Variants in MLST8 observed in about 807,000 individuals in gnomAD.
MLST8 encodes target of rapamycin complex subunit LST8.
In MLST8, 20 loss-of-function variants were observed where a neutral mutation model predicts 41.3. The ratio of observed to expected loss-of-function variants is 0.48; its 90% confidence interval spans 0.34 to 0.70. MLST8 has a LOEUF of 0.70. MLST8 is among the 30% of genes least tolerant of loss of function. The pLI, the probability that MLST8 is intolerant of heterozygous loss-of-function variation, is 0.01. For synonymous variants in MLST8, 243 were observed against 183.0 expected, an observed-to-expected ratio of 1.33 and a Z score of -2.65; for missense variants, 422 against 454.3, an observed-to-expected ratio of 0.93 and a Z score of 0.65.
rs142825627 is a variant in MLST8, at chr16:2,209,421, C to G, written c.*544C>G. 2.4e-5 allele frequency: 39 copies of G among 1,613,816 alleles called. 1 individual carries two copies. Among genetic ancestry groups the G allele is most frequent in the Middle Eastern group, 1.6e-4 (1 of 6,062 alleles). On this transcript the variant is annotated 3_prime_UTR_variant, in exon 9 of 9. Transcript: ENST00000569417. ...CAGATGTTGCTCGGGAAGCAGATGT[C>G]GATGCAGAGATAAATCAGCCGCTGT...
In MLST8 at chr16:2,209,235, G is replaced by A. The variant is rs570117781; in HGVS notation, c.*358G>A. 6 of 917,680 alleles carry A rather than the reference G, an allele frequency of 6.5e-6. No individual in the cohort carries two copies. Among genetic ancestry groups the A allele is most frequent in the Admixed American group, 5.0e-5 (2 of 40,310 alleles). 56.8% of individuals were successfully genotyped at this position (917,680 alleles called of 1,614,324 possible). On this transcript the variant is annotated 3_prime_UTR_variant, in exon 9 of 9. Coordinates refer to ENST00000569417, the MANE Select transcript of MLST8 (RefSeq NM_022372.6). ...CCGCGTTTCAGGGCCTCGGTCCATA[G>A]AGAACACCACCACCATGGCCAGGTG...
In MLST8 at chr16:2,206,080, C is replaced by T. The variant is rs1480694171; in HGVS notation, c.-6C>T. 1.3e-6 allele frequency: 2 copies of T among 1,593,920 alleles called. No homozygotes were observed. The highest frequency in any genetic ancestry group is 2.2e-5 in the East Asian group (1 of 44,494). On this transcript the variant is annotated 5_prime_UTR_variant, in exon 2 of 9. Coordinates refer to ENST00000569417, the MANE Select transcript of MLST8 (RefSeq NM_022372.6). ...GTTCAGCTCTAGGGCCCGTGCAGGC[C>T]ACACCATGAACACCTCCCCAGGCAC...
At position 2,209,190 on chromosome 16, in the gene MLST8, T is replaced by C. The variant is rs3160; in HGVS notation, c.*313T>C. 0.44 allele frequency: 303,345 copies of C among 688,824 alleles called. 71,864 individuals carry two copies. The highest frequency in any genetic ancestry group is 0.54 in the East Asian group (19,931 of 36,808). 42.7% of individuals were successfully genotyped at this position (688,824 alleles called of 1,614,324 possible). A position where few individuals can be genotyped will look rare whatever the true frequency, so the allele number is the denominator to read the frequency against. On this transcript the variant is annotated 3_prime_UTR_variant, in exon 9 of 9. Coordinates refer to ENST00000569417, the MANE Select transcript of MLST8 (RefSeq NM_022372.6). ...GCTGGTGCCCACCCCCAAGCTAGTG[T>C]GTTCTCTGCCCCTCCCTGCCCGCGT...
intron 4 of MLST8, 51 bp downstream of exon 4, chr16:2,206,710 G>C (rs752952978): frequency 2.5e-6 from 4 of 1,595,110 alleles, no homozygotes; most frequent in Non-Finnish European, 3.4e-6. Flanking sequence ...GCTGCTCTGG[G>C]AGACCGTTTT....
In MLST8 at chr16:2,208,877, G is replaced by A; in HGVS notation, c.981G>A (p.Ter327=). The change falls in exon 9 of 9, where the codon TAG becomes TAA. Residue 327 remains the stop codon, a stop_retained_variant. Coordinates refer to ENST00000569417, the MANE Select transcript of MLST8 (RefSeq NM_022372.6). ...CCTTCAATGACAGTGTGCTGGGCTA[G>A]CCTGTGACCCCTCGGGACTGCCTGG... is the stretch of plus-strand genomic sequence containing the variant. ...CLAFNDSVLG[*] The A allele has an allele frequency of 6.2e-7, 1 of 1,613,216 alleles. No homozygotes were observed. The highest frequency in any genetic ancestry group is 2.2e-5 in the East Asian group (1 of 44,878).
In MLST8 at chr16:2,205,786, C is replaced by T. The variant is rs574093429; in HGVS notation, c.-55-245C>T. 109 of 1,067,906 alleles carry T rather than the reference C, an allele frequency of 1.0e-4. 1 individual carries two copies. The African/African-American group carries it at 1.7e-3, about 17-fold the overall frequency. The allele number at this position is 1,067,906 out of a possible 1,614,324, so 66.2% of individuals were successfully genotyped here. On this transcript the variant is annotated intron_variant, in intron 1 of 8. Coordinates refer to ENST00000569417, the MANE Select transcript of MLST8 (RefSeq NM_022372.6). Reference sequence around the variant, plus strand: ...GAGTGGCGCCCGCGCGTGACTCCCCCCTGCCGGCTGCGGAGGTGGGGGGGG... The same window carrying T: ...GAGTGGCGCCCGCGCGTGACTCCCCTCTGCCGGCTGCGGAGGTGGGGGGGG...
In MLST8 at chr16:2,206,024, T is replaced by G. The variant is rs763457123; in HGVS notation, c.-55-7T>G. On this transcript the variant is annotated splice_region_variant and splice_polypyrimidine_tract_variant and intron_variant, in intron 1 of 8. Coordinates refer to ENST00000569417, the MANE Select transcript of MLST8 (RefSeq NM_022372.6). ...GTCTTCTAAGTACTTCACATCCTTC[T>G]CTGCAGATGCTCTGACCTTTGACCC... The G allele has an allele frequency of 1.3e-6, 2 of 1,521,018 alleles. No homozygotes were observed. The highest frequency in any genetic ancestry group is 1.8e-6 in the Non-Finnish European group (2 of 1,132,594). 94.2% of individuals were successfully genotyped at this position (1,521,018 alleles called of 1,614,324 possible).
At chr16:2,205,824 G>C in intron 1 of MLST8, 1 of 1,167,290 alleles carries the variant, frequency 8.6e-7, no homozygotes, top group Non-Finnish European at 1.1e-6. Flanking sequence ...CGGCGCCCCC[G>C]CCGTGTGCGT....
chr16:2,208,478 A>G lies in MLST8; in HGVS notation c.727A>G (p.Thr243Ala). 1 of 1,613,202 alleles carries G rather than the reference A, an allele frequency of 6.2e-7. No individual in the cohort carries two copies. The highest frequency in any genetic ancestry group is 1.1e-5 in the South Asian group (1 of 91,088). ...TLLATCSADQTCKIWRTSNFS... is the reference protein window; with the variant it reads ...TLLATCSADQACKIWRTSNFS... ...CCTCGCCACCTGCTCGGCTGATCAGACGTGCAAGATCTGGAGGACGTCCAA... is the reference window on the plus strand; with the variant it reads ...CCTCGCCACCTGCTCGGCTGATCAGGCGTGCAAGATCTGGAGGACGTCCAA... The change falls in exon 8 of 9, where the codon ACG becomes GCG. Residue 243 changes from threonine (T) to alanine (A), a missense_variant. By Grantham distance (58) the Thr-to-Ala change is moderately conservative. Coordinates refer to ENST00000569417, the MANE Select transcript of MLST8 (RefSeq NM_022372.6).
At position 2,206,687 on chromosome 16, in the gene MLST8, G is replaced by A. The variant is rs773777675; in HGVS notation, c.344+28G>A. The A allele has an allele frequency of 5.6e-6, 9 of 1,607,064 alleles. No individual in the cohort carries two copies. In the Admixed American group the frequency reaches 1.2e-4, roughly 21 times the overall value. ...GCGGTGGGGAGGGGGCGTGCTGCCC[G>A]GGGCTGGGGTGGGCTGCTCTGGGAG... On this transcript the variant is annotated intron_variant, in intron 4 of 8. Transcript: ENST00000569417.
chr16:2,205,990 A>G (rs1426389768), intron 1 of MLST8, 41 bp from the exon 2 acceptor site: 174 of 1,503,772 alleles, frequency 1.2e-4, no homozygotes, highest in Non-Finnish European at 1.5e-4. Context: ...TCTACTTAGC[A>G]CAGAGAGTGT....
chr16:2,207,614 C>G (rs897205561), intron 6 of MLST8: 4 of 510,540 alleles, frequency 7.8e-6, no homozygotes, highest in Non-Finnish European at 1.1e-5. Context: ...TGGTCCCAGT[C>G]ACCCTTGTTT....
In MLST8 at chr16:2,206,174, A is replaced by C. The variant is rs1421936645; in HGVS notation, c.89A>C (p.His30Pro). The change falls in exon 2 of 9, where the codon CAC becomes CCC. Residue 30 changes from histidine to proline, a missense_variant. Transcript: ENST00000569417. ...YDHTVRFWQAHSGICTRTVQH... is the reference protein window; with the variant it reads ...YDHTVRFWQAPSGICTRTVQH... ...CACACCGTGCGCTTCTGGCAGGCCC[A>C]CAGCGGCATCTGCACCCGGACGGTG... The C allele has an allele frequency of 6.2e-7, 1 of 1,611,422 alleles. No individual in the cohort carries two copies.
chr16:2,209,397 A>G lies in MLST8; in HGVS notation c.*520A>G. ...AGGTAATAAAAGCAGACCGACACGC[A>G]GATGTTGCTCGGGAAGCAGATGTCG... On this transcript the variant is annotated 3_prime_UTR_variant, in exon 9 of 9. Transcript: ENST00000569417. 6.2e-7 allele frequency: 1 copy of G among 1,613,792 alleles called. No homozygotes were observed. Among genetic ancestry groups the G allele is most frequent in the Non-Finnish European group, 8.5e-7 (1 of 1,179,946 alleles).
At position 2,208,296 on chromosome 16, in the gene MLST8, G is replaced by A. The variant is rs369530537; in HGVS notation, c.660G>A (p.Thr220=). ...CCAAGACTAAGATCCCTGCCCACAC[G>A]CGCTACGCCCTGCAGTGTCGCTTCA... ...LIPKTKIPAH[T]RYALQCRFSP... Residue 220 remains threonine, a synonymous_variant, in exon 7 of 9, where the codon ACG becomes ACA. Coordinates refer to ENST00000569417, the MANE Select transcript of MLST8 (RefSeq NM_022372.6). 143 of 1,613,110 alleles carry A rather than the reference G, an allele frequency of 8.9e-5. No individual in the cohort carries two copies. The highest frequency in any genetic ancestry group is 1.1e-4 in the Non-Finnish European group (131 of 1,179,444).
chr16:2,209,273 A>T lies in MLST8; in HGVS notation c.*396A>T. On this transcript the variant is annotated 3_prime_UTR_variant, in exon 9 of 9. Transcript: ENST00000569417. Reference sequence around the variant, plus strand: ...CCATGGCCAGGTGGAAGGGTTTATTAGTCCCTGCCAGCAGCTGTCCTCCCT... The same window carrying T: ...CCATGGCCAGGTGGAAGGGTTTATTTGTCCCTGCCAGCAGCTGTCCTCCCT... 8.2e-7 allele frequency: 1 copy of T among 1,222,244 alleles called. No individual in the cohort carries two copies. The highest frequency in any genetic ancestry group is 1.2e-6 in the Non-Finnish European group (1 of 851,746). The allele number at this position is 1,222,244 out of a possible 1,614,324, so 75.7% of individuals were successfully genotyped here.
intron 1 of MLST8, 192 bp downstream of exon 1, chr16:2,205,704 C>T (rs1567271718): frequency 2.0e-6 from 2 of 996,680 alleles, no homozygotes; most frequent in Non-Finnish European, 1.2e-6. Context: ...AGCCGCAGCG[C>T]TCGGCTTTCC....
intron 6 of MLST8, 128 bp downstream of exon 6, chr16:2,207,473 C>T: frequency 8.3e-7 from 1 of 1,199,048 alleles, no homozygotes; most frequent in Middle Eastern, 2.0e-4. Flanking sequence ...GCACTAACAC[C>T]CACCTTGCCA....
rs1191742993 is a variant in MLST8, at chr16:2,207,023, C to T, written c.345-12C>T. The stretch of plus-strand genomic sequence containing the variant: ...CCCAGATGGACAGCATGTGCCCCGG[C>T]CCGGCCCGCAGGTCCCGGAACCTGC... On this transcript the variant is annotated splice_polypyrimidine_tract_variant and intron_variant, in intron 4 of 8. Transcript: ENST00000569417. 1.9e-6 allele frequency: 3 copies of T among 1,612,556 alleles called. No individual in the cohort carries two copies. Among genetic ancestry groups the T allele is most frequent in the Admixed American group, 1.7e-5 (1 of 59,972 alleles).
Sources: gnomAD v4.1 joint callset for allele counts on GRCh38, gnomAD v4.1.1 for gene constraint, MANE v1.5 for transcripts, NCBI Gene and HGNC (gene_info 2026-07-23, HGNC 2026-07-21) for gene names.